The following DERPC variants were observed in gnomAD, a reference collection of about 807,000 sequenced individuals.
The protein encoded by DERPC is decreased expression in renal and prostate cancer protein.
Under a neutral mutation model 7.2 loss-of-function variants are expected in DERPC, and 1 was observed. That is an observed-to-expected ratio of 0.14 (90% CI 0.05 to 0.66). The LOEUF is 0.66. Among genes scored for constraint, DERPC ranks in the 30% least tolerant of loss-of-function variants. The pLI, the probability that DERPC is intolerant of heterozygous loss-of-function variation, is 0.84. For synonymous variants in DERPC, 185 were observed against 117.6 expected, an observed-to-expected ratio of 1.57 and a Z score of -3.71; for missense variants, 502 against 299.4, an observed-to-expected ratio of 1.68 and a Z score of -4.99.
Position 69,118,805 on chromosome 16 carries a change from A to C in DERPC, c.*49T>G. ...CTTTTACCTAAGACAGCCCCTGCCA[A>C]GAACCACAGTGCCTAGAAACCAAGG... On this transcript the variant is annotated 3_prime_UTR_variant, in exon 3 of 3. Coordinates refer to ENST00000519520, the MANE Select transcript of DERPC (RefSeq NM_001002847.4). 1.5e-6 allele frequency: 1 copy of C among 663,702 alleles called. No homozygotes were observed. 41.1% of individuals were successfully genotyped at this position (663,702 alleles called of 1,614,324 possible).
chr16:69,124,345 C>A (rs1961904703), intron 1 of DERPC, among the ~76,000 whole-genome samples: 1 of 152,142 alleles, frequency 6.6e-6, no homozygotes, highest in South Asian at 2.1e-4. Context: ...TCAATGTTTA[C>A]CACCTGTAGT....
At chr16:69,121,629 C>T in intron 1 of DERPC, 136 bp from the exon 2 acceptor site, 1 of 552,654 alleles carries the variant, frequency 1.8e-6, no homozygotes, top group Non-Finnish European at 3.3e-6. Context: ...AGGCACCCAC[C>T]ACTATGGCCA....
Position 69,120,917 on chromosome 16 carries a change from C to T in DERPC, c.-221-268G>A, listed in dbSNP as rs761811094. On this transcript the variant is annotated intron_variant, in intron 2 of 2. Coordinates refer to ENST00000519520, the MANE Select transcript of DERPC (RefSeq NM_001002847.4). This position sits in a 1 kb window ranked among gnomAD's most constrained non-coding sequence, Gnocchi z 4.0. ...TGCTACTGCAGAGGTAGGGGGAGAA[C>T]AAGCAGAGAGCATCGCAGATTAGCT... 1 of 832,216 alleles carries T rather than the reference C, an allele frequency of 1.2e-6. No homozygotes were observed. Among genetic ancestry groups the T allele is most frequent in the Non-Finnish European group, 2.1e-6 (1 of 470,066 alleles). The allele number at this position is 832,216 out of a possible 1,614,324, so 51.6% of individuals were successfully genotyped here.
rs1161188041 is a variant in DERPC, at chr16:69,119,362, C to T, written c.1067G>A (p.Gly356Glu). 5.7e-6 allele frequency: 4 copies of T among 703,050 alleles called. No individual in the cohort carries two copies. In the Admixed American group the frequency reaches 6.0e-5, roughly 11 times the overall value. The allele number at this position is 703,050 out of a possible 1,614,324, so 43.6% of individuals were successfully genotyped here. A position where few individuals can be genotyped will look rare whatever the true frequency, so the allele number is the denominator to read the frequency against. ...CCTGGGAAAGGGATTGGCATTTACCCCCATGGGGCCAACTGGCCTTGAGAA... is the reference window on the plus strand; with the variant it reads ...CCTGGGAAAGGGATTGGCATTTACCTCCATGGGGCCAACTGGCCTTGAGAA... The part of the protein sequence containing the change: ...AHFSRPVGPM[G>E]VNANPFPRGA... The change falls in exon 3 of 3, where the codon GGG becomes GAG. Residue 356 changes from glycine (G) to glutamate (E), a missense_variant. Coordinates refer to ENST00000519520, the MANE Select transcript of DERPC (RefSeq NM_001002847.4).
intron 1 of DERPC, among the ~76,000 whole-genome samples, chr16:69,124,884 T>C (rs6499220): frequency 0.051 from 7,724 of 152,076 alleles, 647 homozygotes; most frequent in African/African-American, 0.18. Context: ...CCAAACACTT[T>C]GGGAACATGA....
chr16:69,120,852 G>A lies in DERPC; in HGVS notation c.-221-203C>T. 1.3e-6 allele frequency: 1 copy of A among 746,262 alleles called. No individual in the cohort carries two copies. The highest frequency in any genetic ancestry group is 2.4e-6 in the Non-Finnish European group (1 of 420,186). The allele number at this position is 746,262 out of a possible 1,614,324, so 46.2% of individuals were successfully genotyped here. A position where few individuals can be genotyped will look rare whatever the true frequency, so the allele number is the denominator to read the frequency against. ...CCACATAGGAGAATTTCCACTTTCA[G>A]AAATGTGAGCTTTCCAGATTCCCCA... is the stretch of plus-strand genomic sequence containing the variant. On this transcript the variant is annotated intron_variant, in intron 2 of 2. Transcript: ENST00000519520. This position sits in a 1 kb window ranked among gnomAD's most constrained non-coding sequence, Gnocchi z 4.0.
chr16:69,131,325 T>C (rs1962495926), intron 1 of DERPC: 1 of 152,172 alleles, frequency 6.6e-6, no homozygotes, highest in African/African-American at 2.4e-5. Context: ...GTGGAAAAGA[T>C]GGCTTCAGTC....
Position 69,118,475 on chromosome 16 carries a change from A to G in DERPC, c.*379T>C, listed in dbSNP as rs771362102. On this transcript the variant is annotated 3_prime_UTR_variant, in exon 3 of 3. Coordinates refer to ENST00000519520, the MANE Select transcript of DERPC (RefSeq NM_001002847.4). The stretch of plus-strand genomic sequence containing the variant: ...TAGAGAGCAGTGAGCTGATTCTCCA[A>G]TGGTGAGCAGGGGACTACATGTGAA... 7 of 1,505,654 alleles carry G rather than the reference A, an allele frequency of 4.6e-6. No homozygotes were observed. The African/African-American group carries it at 5.5e-5, about 12-fold the overall frequency. The allele number at this position is 1,505,654 out of a possible 1,614,324, so 93.3% of individuals were successfully genotyped here.
chr16:69,130,908 T>C (rs139301491), intron 1 of DERPC, among the ~76,000 whole-genome samples: 1 of 152,372 alleles, frequency 6.6e-6, no homozygotes, highest in East Asian at 1.9e-4. Flanking sequence ...CTTCAGGGAT[T>C]AAGTTCTGGA....
intron 1 of DERPC, among the ~76,000 whole-genome samples, chr16:69,129,429 CAAAAAAA>C (rs11420871): frequency 1.3e-5 from 1 of 75,602 alleles, no homozygotes; most frequent in African/African-American, 4.9e-5. Flanking sequence ...GACTCCGTCA[CAAAAAAA>C]AAAAAAAAAA....
At position 69,119,947 on chromosome 16, in the gene DERPC, G is replaced by A; in HGVS notation, c.482C>T (p.Ala161Val). Residue 161 changes from alanine to valine, a missense_variant, in exon 3 of 3, where the codon GCA (alanine) becomes GTA (valine). By Grantham distance (64) the Ala-to-Val change is moderately conservative. Transcript: ENST00000519520. ...PGPGPMSNPR[A>V]GGLLGAGPDP... ...AGGACCTGCTCCCAGGAGACCACCTGCCCTTGGGTTGGACATAGGACCTGG... is the reference window on the plus strand; with the variant it reads ...AGGACCTGCTCCCAGGAGACCACCTACCCTTGGGTTGGACATAGGACCTGG... 1 of 701,848 alleles carries A rather than the reference G, an allele frequency of 1.4e-6. No individual in the cohort carries two copies. Among genetic ancestry groups the A allele is most frequent in the East Asian group, 2.7e-5 (1 of 37,204 alleles). The allele number at this position is 701,848 out of a possible 1,614,324, so 43.5% of individuals were successfully genotyped here.
chr16:69,124,781 G>A (rs564697111), intron 1 of DERPC, among the ~76,000 whole-genome samples: 2 of 152,246 alleles, frequency 1.3e-5, no homozygotes, highest in Admixed American at 6.5e-5. Context: ...GATTACAGGC[G>A]TGAGACACTG....
Position 69,119,551 on chromosome 16 carries a change from G to T in DERPC, c.878C>A (p.Ser293Ter). 1 of 702,944 alleles carries T rather than the reference G, an allele frequency of 1.4e-6. No homozygotes were observed. The highest frequency in any genetic ancestry group is 1.5e-5 in the South Asian group (1 of 67,598). The allele number at this position is 702,944 out of a possible 1,614,324, so 43.5% of individuals were successfully genotyped here. ...GLLGANSASF[S>*]QASGNMGTSP... The stretch of plus-strand genomic sequence containing the variant: ...TGTGCCCATGTTTCCAGAAGCCTGT[G>T]AGAAAGAAGCTGAATTTGCTCCTAA... Residue 293 changes from serine (S) to a stop codon, truncating the protein, a stop_gained, in exon 3 of 3, where the codon TCA (serine) becomes TAA (stop). Coordinates refer to ENST00000519520, the MANE Select transcript of DERPC (RefSeq NM_001002847.4). LOFTEE classifies it high-confidence loss of function.
At position 69,122,353 on chromosome 16, in the gene DERPC, C is replaced by T. The variant is rs1055426909; in HGVS notation, c.-279-860G>A. Among the ~76,000 whole-genome samples, 85 of 151,358 alleles carry T rather than the reference C, an allele frequency of 5.6e-4. 1 individual carries two copies. The highest frequency in any genetic ancestry group is 2.0e-3 in the African/African-American group (83 of 41,252). On this transcript the variant is annotated intron_variant, in intron 1 of 2. Coordinates refer to ENST00000519520, the MANE Select transcript of DERPC (RefSeq NM_001002847.4). ...TTGCTCACTATGCTGATGTGCCTTTCTTAAGGATATTCTTTTTTTTTTTTT... is the reference window on the plus strand; with the variant it reads ...TTGCTCACTATGCTGATGTGCCTTTTTTAAGGATATTCTTTTTTTTTTTTT...
chr16:69,118,701 G>T lies in DERPC; in HGVS notation c.*153C>A. The T allele has an allele frequency of 1.5e-6, 1 of 654,330 alleles. No individual in the cohort carries two copies. Among genetic ancestry groups the T allele is most frequent in the South Asian group, 1.7e-5 (1 of 58,006 alleles). 40.5% of individuals were successfully genotyped at this position (654,330 alleles called of 1,614,324 possible). A position where few individuals can be genotyped will look rare whatever the true frequency, so the allele number is the denominator to read the frequency against. On this transcript the variant is annotated 3_prime_UTR_variant, in exon 3 of 3. Coordinates refer to ENST00000519520, the MANE Select transcript of DERPC (RefSeq NM_001002847.4). ...CAAATAACATCTCACCTTCAGTCAA[G>T]AAAAACGCAAAGGAAAAAGATGGCT...
chr16:69,131,004 TAC>T (rs977510330), intron 1 of DERPC, among the ~76,000 whole-genome samples: 5 of 152,210 alleles, frequency 3.3e-5, no homozygotes, highest in African/African-American at 1.2e-4. Flanking sequence ...TACAACCGAA[TAC>T]AGATTATTTT....
At chr16:69,127,908 C>T (rs1228141427) in intron 1 of DERPC, among the ~76,000 whole-genome samples, 1 of 150,878 alleles carries the variant, frequency 6.6e-6, no homozygotes, top group Admixed American at 6.6e-5. Flanking sequence ...CCGTGCCCGG[C>T]CAAATTTCTC....
intron 1 of DERPC, chr16:69,132,209 C>T (rs1406939757): frequency 6.6e-6 from 1 of 152,428 alleles, no homozygotes; most frequent in African/African-American, 2.5e-5. Context: ...TCCGTCTCCA[C>T]ACCGCTCCCT....
chr16:69,118,488 G>T lies in DERPC; in HGVS notation c.*366C>A, dbSNP rs117169105. On this transcript the variant is annotated 3_prime_UTR_variant, in exon 3 of 3. Transcript: ENST00000519520. Reference sequence around the variant, plus strand: ...GCTGATTCTCCAATGGTGAGCAGGGGACTACATGTGAACTGGGACCTGCAG... The same window carrying T: ...GCTGATTCTCCAATGGTGAGCAGGGTACTACATGTGAACTGGGACCTGCAG... The T allele has an allele frequency of 0.023, 31,066 of 1,353,106 alleles. 430 individuals are homozygous for T. Among genetic ancestry groups the T allele is most frequent in the Non-Finnish European group, 0.028 (26,243 of 941,290 alleles). The allele number at this position is 1,353,106 out of a possible 1,614,324, so 83.8% of individuals were successfully genotyped here.
Sources: gnomAD v4.1 joint callset for allele counts (sites outside exome capture counted in the v4.1 genomes callset) on GRCh38, gnomAD v4.1.1 for gene constraint, Gnocchi (gnomAD v3.1) non-coding constraint, MANE v1.5 for transcripts, NCBI Gene and HGNC (gene_info 2026-07-23, HGNC 2026-07-21) for gene names.